LRP1B: variants seen among roughly 807,000 people sequenced by gnomAD.
LRP1B encodes the protein LDL receptor related protein 1B.
LRP1B carries 217 observed loss-of-function variants against 556.6 expected under a neutral mutation model. The ratio of observed to expected loss-of-function variants is 0.39; its 90% CI spans 0.35 to 0.44. The LOEUF is 0.44. Among genes scored for constraint, LRP1B ranks in the 20% least tolerant of loss-of-function variants. The probability of loss-of-function intolerance (pLI) is 1.00; values close to 1 mark genes in which losing one functional copy is unlikely to be tolerated. For missense variants in LRP1B, 5,053 were observed against 5,620.8 expected (o/e 0.90, Z 3.23); for synonymous variants, 2,047 against 1,865.8 (o/e 1.10, Z -2.50).
At position 140,702,256 on chromosome 2, in the gene LRP1B, T is replaced by C. The variant is rs2105428882; in HGVS notation, c.6187A>G (p.Lys2063Glu). 6.2e-7 allele frequency: 1 copy of C among 1,613,800 alleles called. No homozygotes were observed. Among genetic ancestry groups the C allele is most frequent in the East Asian group, 2.2e-5 (1 of 44,878 alleles). The change falls in exon 39 of 91, where the codon AAG (lysine) becomes GAG (glutamate). Residue 2063 changes from lysine (K) to glutamate (E), a missense_variant. Lys to Glu is a moderately conservative substitution (Grantham distance 56). Coordinates refer to ENST00000389484, the MANE Select transcript of LRP1B (RefSeq NM_018557.3). Reference sequence around the variant, plus strand: ...GTCTCAAGGTCGATTCTCTCTATCTTGTCTGTGCGAGCATCACACCAGTAC... The same window carrying C: ...GTCTCAAGGTCGATTCTCTCTATCTCGTCTGTGCGAGCATCACACCAGTAC... ...KLYWCDARTD[K>E]IERIDLETGG...
Position 140,585,585 on chromosome 2 carries a change from G to A in LRP1B, c.7194+13046C>T, listed in dbSNP as rs376948639. On this transcript the variant is annotated intron_variant, in intron 43 of 90. Coordinates refer to ENST00000389484, the MANE Select transcript of LRP1B (RefSeq NM_018557.3). ...GTCTAGCCCAAAATGTCAAATCTGAGATTCAAAAAGATTAAAATAATTGCT... is the reference window on the plus strand; with the variant it reads ...GTCTAGCCCAAAATGTCAAATCTGAAATTCAAAAAGATTAAAATAATTGCT... Among the ~76,000 whole-genome samples, 3 of 152,158 alleles carry A rather than the reference G, an allele frequency of 2.0e-5. No individual in the cohort carries two copies. The East Asian group carries it at 5.8e-4, about 29-fold the overall frequency.
intron 35 of LRP1B, among the ~76,000 whole-genome samples, chr2:140,726,305 G>A (rs185129242): frequency 1.3e-5 from 2 of 152,232 alleles, no homozygotes; most frequent in Admixed American, 6.5e-5. Flanking sequence ...GTTGAGGGAA[G>A]TCTTTAACTT....
chr2:141,527,151 A>T (rs1451095324), intron 2 of LRP1B, among the ~76,000 whole-genome samples: 1 of 152,116 alleles, frequency 6.6e-6, no homozygotes, highest in African/African-American at 2.4e-5. Context: ...TTTAGTTTTT[A>T]GGCAGAAGCT....
chr2:142,010,148 G>A (rs1337020142), intron 1 of LRP1B, among the ~76,000 whole-genome samples: 1 of 152,092 alleles, frequency 6.6e-6, no homozygotes, highest in Admixed American at 6.5e-5. Flanking sequence ...AACTGAGGGG[G>A]AGGGTTTACT....
intron 1 of LRP1B, among the ~76,000 whole-genome samples, chr2:142,092,087 C>T (rs145687547): frequency 0.013 from 1,913 of 152,276 alleles, 90 homozygotes; most frequent in Admixed American, 0.085. Flanking sequence ...CACCACAGAA[C>T]CCCTGTGCCA....
chr2:141,392,800 G>A (rs1351977182), intron 3 of LRP1B, among the ~76,000 whole-genome samples: 2 of 152,150 alleles, frequency 1.3e-5, no homozygotes, highest in Admixed American at 1.3e-4. Flanking sequence ...CTTTCAATCT[G>A]TCGAGTCATG....
intron 2 of LRP1B, among the ~76,000 whole-genome samples, chr2:141,577,136 T>A (rs949961083): frequency 1.6e-4 from 24 of 152,202 alleles, no homozygotes; most frequent in African/African-American, 5.8e-4. Flanking sequence ...CAGTGATTTT[T>A]AAATATATTT....
At chr2:140,552,002 T>C (rs925996046) in intron 43 of LRP1B, among the ~76,000 whole-genome samples, 1 of 152,170 alleles carries the variant, frequency 6.6e-6, no homozygotes, top group Admixed American at 6.6e-5. Flanking sequence ...TTGAAGAAGT[T>C]AGCTCAAGGT....
chr2:141,512,312 C>T (rs1684161578), intron 2 of LRP1B, among the ~76,000 whole-genome samples: 1 of 152,148 alleles, frequency 6.6e-6, no homozygotes, highest in African/African-American at 2.4e-5. Context: ...GTGTTCTCTC[C>T]TCCCTCCAGG....
chr2:140,263,806 C>CA, intron 86 of LRP1B, among the ~76,000 whole-genome samples: 1 of 145,284 alleles, frequency 6.9e-6, no homozygotes. Flanking sequence ...TAATTGAGGC[C>CA]TTTTTTTTTT....
chr2:140,355,639 A>G (rs1682174959), intron 75 of LRP1B, among the ~76,000 whole-genome samples: 1 of 151,974 alleles, frequency 6.6e-6, no homozygotes, highest in Non-Finnish European at 1.5e-5. Context: ...TAGCCTGGAT[A>G]AGCCAGACTT....
At chr2:140,262,832 T>G (rs565317382) in intron 86 of LRP1B, among the ~76,000 whole-genome samples, 1 of 152,214 alleles carries the variant, frequency 6.6e-6, no homozygotes, top group Non-Finnish European at 1.5e-5. Flanking sequence ...TAGTCCTCAG[T>G]GGTAGCAGTC....
At chr2:141,689,876 T>C (rs1691451166) in intron 2 of LRP1B, among the ~76,000 whole-genome samples, 1 of 151,804 alleles carries the variant, frequency 6.6e-6, no homozygotes, top group Admixed American at 6.6e-5. Flanking sequence ...TTTCCTCCAG[T>C]ATAAAAAGAC....
intron 1 of LRP1B, among the ~76,000 whole-genome samples, chr2:141,920,833 T>C (rs1358360873): frequency 6.6e-6 from 1 of 152,046 alleles, no homozygotes; most frequent in Non-Finnish European, 1.5e-5. Flanking sequence ...TTCTAATGTA[T>C]GGATTTATTC....
Position 141,858,982 on chromosome 2 carries a change from G to GC in LRP1B, c.83-48582_83-48581insG, listed in dbSNP as rs879410171. ...GAGAGAACATCAGGAAAAGCCCCTG[G>GC]AATACTTTCTAGCAAGGCCATCAGT... is the stretch of plus-strand genomic sequence containing the variant. On this transcript the variant is annotated intron_variant, in intron 1 of 90. Transcript: ENST00000389484. Among the ~76,000 whole-genome samples the GC allele has an allele frequency of 6.2e-3, 951 of 152,174 alleles. 7 individuals carry two copies. The highest frequency in any genetic ancestry group is 9.1e-3 in the Non-Finnish European group (622 of 67,986).
intron 11 of LRP1B, among the ~76,000 whole-genome samples, chr2:141,035,160 A>T (rs1047224165): frequency 3.3e-5 from 5 of 151,510 alleles, no homozygotes; most frequent in Non-Finnish European, 7.4e-5. Flanking sequence ...AACAATGAGA[A>T]CACATGGACA....
At chr2:141,940,720 G>A (rs1700772230) in intron 1 of LRP1B, among the ~76,000 whole-genome samples, 1 of 152,096 alleles carries the variant, frequency 6.6e-6, no homozygotes, top group Admixed American at 6.5e-5. Context: ...TCATCACTGG[G>A]AATTGAAAAT....
chr2:140,950,190 A>T lies in LRP1B; in HGVS notation c.3136+45T>A, dbSNP rs114735208. On this transcript the variant is annotated intron_variant, in intron 20 of 90. Transcript: ENST00000389484. ...TGTAATACCCTAAGTATTATTATGC[A>T]TCAACTTTTAAAATGAGATTTCATT... 4.6e-4 allele frequency: 643 copies of T among 1,393,662 alleles called. 1 individual carries two copies. In the African/African-American group the frequency reaches 8.6e-3, roughly 19 times the overall value. 86.3% of individuals were successfully genotyped at this position (1,393,662 alleles called of 1,614,324 possible).
chr2:141,718,352 TC>T (rs145138079), intron 2 of LRP1B, among the ~76,000 whole-genome samples: 225 of 152,304 alleles, frequency 1.5e-3, no homozygotes, highest in African/African-American at 5.2e-3. Flanking sequence ...AGGTATAAGA[TC>T]CTCAATCTAA....
Sources: gnomAD v4.1 joint callset for allele counts (sites outside exome capture counted in the v4.1 genomes callset) on GRCh38, gnomAD v4.1.1 for gene constraint, MANE v1.5 for transcripts, NCBI Gene and HGNC (gene_info 2026-07-23, HGNC 2026-07-21) for gene names.